Variants in CSGALNACT2 observed in about 807,000 individuals in gnomAD.
The protein encoded by CSGALNACT2 is chondroitin sulfate N-acetylgalactosaminyltransferase 2.
In CSGALNACT2, 35 loss-of-function variants were observed where a neutral mutation model predicts 55.3. That is an observed-to-expected ratio of 0.63 (90% CI 0.48 to 0.84). The LOEUF is 0.84. Ranked by LOEUF, CSGALNACT2 falls within the 40% of genes least tolerant of loss-of-function variation. CSGALNACT2 has a pLI of 0.00. For missense variants in CSGALNACT2, 544 were observed against 657.5 expected (o/e 0.83, Z 1.89); for synonymous variants, 196 against 224.9 (o/e 0.87, Z 1.15).
Position 43,162,961 on chromosome 10 carries a change from C to T in CSGALNACT2, c.981-905C>T, listed in dbSNP as rs545041671. 6 of 985,338 alleles carry T rather than the reference C, an allele frequency of 6.1e-6. No individual in the cohort carries two copies. In the African/African-American group the frequency reaches 8.7e-5, roughly 14 times the overall value. The allele number at this position is 985,338 out of a possible 1,614,324, so 61.0% of individuals were successfully genotyped here. ...TTAACCTTGCATGGGAGGTACTCTT[C>T]ACTCTGACCCTTCTCTCATTGTTCC... On this transcript the variant is annotated intron_variant, in intron 4 of 7. Coordinates refer to ENST00000374466, the MANE Select transcript of CSGALNACT2 (RefSeq NM_018590.5).
Position 43,139,128 on chromosome 10 carries a change from C to T in CSGALNACT2, c.-254+561C>T, listed in dbSNP as rs1838562062. Among the ~76,000 whole-genome samples the T allele has an allele frequency of 2.0e-5, 3 of 152,160 alleles. No homozygotes were observed. The South Asian group carries it at 6.2e-4, about 32-fold the overall frequency. ...TGATTATACATCTGAAGCTTCTCTT[C>T]CTGAGTCCTTGGCTTGTTAAACTTG... On this transcript the variant is annotated intron_variant, in intron 1 of 7. Transcript: ENST00000374466.
At chr10:43,179,353 C>T (rs1207108372) in intron 7 of CSGALNACT2, among the ~76,000 whole-genome samples, 1 of 148,898 alleles carries the variant, frequency 6.7e-6, no homozygotes, top group Non-Finnish European at 1.5e-5. Context: ...ACTGTGGCAA[C>T]TCTGGATACT....
At chr10:43,171,610 C>G (rs991760271) in intron 6 of CSGALNACT2, among the ~76,000 whole-genome samples, 3 of 152,130 alleles carry the variant, frequency 2.0e-5, no homozygotes, top group African/African-American at 7.2e-5. Flanking sequence ...CTCAGCCTCC[C>G]AAAGTGTTGG....
intron 1 of CSGALNACT2, among the ~76,000 whole-genome samples, chr10:43,154,537 C>T (rs1468792411): frequency 2.0e-5 from 3 of 152,142 alleles, no homozygotes; most frequent in Admixed American, 2.0e-4. Flanking sequence ...ACCAGCCTGG[C>T]TAACATGGTG....
At chr10:43,153,209 CTT>C (rs753648679) in intron 1 of CSGALNACT2, among the ~76,000 whole-genome samples, 1 of 151,948 alleles carries the variant, frequency 6.6e-6, no homozygotes, top group Non-Finnish European at 1.5e-5. Context: ...GTGGCCGGCG[CTT>C]GTAGTCCCAG....
chr10:43,146,378 G>T (rs973263404), intron 1 of CSGALNACT2, among the ~76,000 whole-genome samples: 3 of 152,230 alleles, frequency 2.0e-5, no homozygotes, highest in Admixed American at 6.5e-5. Flanking sequence ...CAGCAAGTCA[G>T]CCCTTCCATC....
intron 6 of CSGALNACT2, among the ~76,000 whole-genome samples, chr10:43,169,752 A>T (rs1839348101): frequency 1.3e-5 from 2 of 151,874 alleles, no homozygotes; most frequent in African/African-American, 4.8e-5. Context: ...CAGTAAAAGG[A>T]CAATTCTAAT....
At chr10:43,173,994 AAATAAT>A (rs1194236570) in intron 6 of CSGALNACT2, among the ~76,000 whole-genome samples, 2 of 151,996 alleles carry the variant, frequency 1.3e-5, no homozygotes, top group African/African-American at 2.4e-5. Flanking sequence ...CTCTGTCTCA[AAATAAT>A]AATAATAATA....
In CSGALNACT2 at chr10:43,183,770, A is replaced by G; in HGVS notation, c.*228A>G. ...CACTATGGAATAATTGACAAATTGA[A>G]ATCTCATATTTGTCCCAAAAGTTGT... On this transcript the variant is annotated 3_prime_UTR_variant, in exon 8 of 8. Coordinates refer to ENST00000374466, the MANE Select transcript of CSGALNACT2 (RefSeq NM_018590.5). 1.6e-5 allele frequency: 9 copies of G among 545,896 alleles called. 1 individual carries two copies. In the South Asian group the frequency reaches 2.0e-4, roughly 12 times the overall value. 33.8% of individuals were successfully genotyped at this position (545,896 alleles called of 1,614,324 possible).
In CSGALNACT2 at chr10:43,163,698, T is replaced by C. The variant is rs1359458956; in HGVS notation, c.981-168T>C. On this transcript the variant is annotated intron_variant, in intron 4 of 7. Transcript: ENST00000374466. ...TGGGCATTTGGTGAATATCTCTCCC[T>C]GATGATAATCATACACATGAAGCTG... The C allele has an allele frequency of 1.7e-5, 17 of 985,164 alleles. No individual in the cohort carries two copies. The Admixed American group carries it at 7.4e-4, about 43-fold the overall frequency. 61.0% of individuals were successfully genotyped at this position (985,164 alleles called of 1,614,324 possible). A position where few individuals can be genotyped will look rare whatever the true frequency, so the allele number is the denominator to read the frequency against.
chr10:43,157,388 C>A (rs1839037883), intron 2 of CSGALNACT2, among the ~76,000 whole-genome samples: 1 of 152,166 alleles, frequency 6.6e-6, no homozygotes, highest in African/African-American at 2.4e-5. Context: ...TCTACTGTGC[C>A]ACTGTCTGCC....
intron 7 of CSGALNACT2, among the ~76,000 whole-genome samples, chr10:43,181,636 G>A (rs560403181): frequency 1.1e-4 from 17 of 151,422 alleles, no homozygotes; most frequent in African/African-American, 4.1e-4. Context: ...ACAGGAGCCG[G>A]GCATGGTGGC....
rs1361274715 is a variant in CSGALNACT2 at position 43,158,725 on chromosome 10, C to T, written c.672C>T (p.Arg224=). The change falls in exon 3 of 8, where the codon CGC becomes CGT. Residue 224 remains arginine (R), a synonymous_variant. Coordinates refer to ENST00000374466, the MANE Select transcript of CSGALNACT2 (RefSeq NM_018590.5). Reference sequence around the variant, plus strand: ...AACTCTTTCCTTTAGGTTATTATCGCACTGAGAGAGATAAGGGCACACAGT... The same window carrying T: ...AACTCTTTCCTTTAGGTTATTATCGTACTGAGAGAGATAAGGGCACACAGT... The part of the protein sequence containing the change: ...NENDFVEGYY[R]TERDKGTQYE... 1.3e-6 allele frequency: 2 copies of T among 1,591,542 alleles called. No homozygotes were observed. The highest frequency in any genetic ancestry group is 2.2e-5 in the East Asian group (1 of 44,754).
intron 6 of CSGALNACT2, among the ~76,000 whole-genome samples, chr10:43,174,576 C>T (rs1839443473): frequency 2.6e-5 from 4 of 152,188 alleles, no homozygotes. Flanking sequence ...TTCTCCTTCA[C>T]TCCCCACTCC....
intron 7 of CSGALNACT2, among the ~76,000 whole-genome samples, chr10:43,180,772 C>G (rs1026565363): frequency 6.6e-6 from 1 of 152,050 alleles, no homozygotes. Context: ...TTCTGTAGTC[C>G]CATAAGTAAG....
In CSGALNACT2 at chr10:43,173,214, G is replaced by A. The variant is rs113095210; in HGVS notation, c.1255-2737G>A. Reference sequence around the variant, plus strand: ...TTCAGAGATAGGGCTGACAGAGCTTGCTGTTGGATTAGATGTAGGAAATTA... The same window carrying A: ...TTCAGAGATAGGGCTGACAGAGCTTACTGTTGGATTAGATGTAGGAAATTA... On this transcript the variant is annotated intron_variant, in intron 6 of 7. Transcript: ENST00000374466. Among the ~76,000 whole-genome samples, 762 of 152,282 alleles carry A rather than the reference G, an allele frequency of 5.0e-3. 4 individuals are homozygous for A. Among genetic ancestry groups the A allele is most frequent in the African/African-American group, 0.017 (710 of 41,536 alleles).
chr10:43,157,448 A>G (rs144969454), intron 2 of CSGALNACT2, among the ~76,000 whole-genome samples: 153 of 152,274 alleles, frequency 1.0e-3, no homozygotes, highest in African/African-American at 3.5e-3. Context: ...ACTAATTCCT[A>G]TCCCTCTTCT....
In CSGALNACT2 at chr10:43,167,082, C is replaced by T. The variant is rs1465909678; in HGVS notation, c.1238C>T (p.Pro413Leu). 28 of 1,608,570 alleles carry T rather than the reference C, an allele frequency of 1.7e-5. No individual in the cohort carries two copies. Among genetic ancestry groups the T allele is most frequent in the Non-Finnish European group, 2.2e-5 (26 of 1,175,176 alleles). The change falls in exon 6 of 8, where the codon CCT becomes CTT. Residue 413 changes from proline to leucine, a missense_variant. Coordinates refer to ENST00000374466, the MANE Select transcript of CSGALNACT2 (RefSeq NM_018590.5). ...IVYANQEVPP[P>L]VEQQLVHKKD... is the part of the protein sequence containing the mutation. ...TATGCCAACCAGGAAGTGCCACCAC[C>T]TGTGGAGCAGCAGCTGGTGAGACTT...
chr10:43,162,653 C>T lies in CSGALNACT2; in HGVS notation c.981-1213C>T. The T allele has an allele frequency of 3.0e-6, 3 of 985,428 alleles. No homozygotes were observed. In the South Asian group the frequency reaches 1.4e-4, roughly 46 times the overall value. 61.0% of individuals were successfully genotyped at this position (985,428 alleles called of 1,614,324 possible). ...CATTCTGTACTGTTGTAAGTGTAAT[C>T]CTCCTAAAATGTTACTTTTTTGATT... is the stretch of plus-strand genomic sequence containing the variant. On this transcript the variant is annotated intron_variant, in intron 4 of 7. Transcript: ENST00000374466.
Sources: gnomAD v4.1 joint callset for allele counts (sites outside exome capture counted in the v4.1 genomes callset) on GRCh38, gnomAD v4.1.1 for gene constraint, MANE v1.5 for transcripts, NCBI Gene and HGNC (gene_info 2026-07-23, HGNC 2026-07-21) for gene names.